RFX6: variants seen among roughly 807,000 people sequenced by gnomAD.
The protein encoded by RFX6 is DNA-binding protein RFX6.
RFX6 carries 50 observed loss-of-function variants against 110.8 expected under a neutral mutation model. The ratio of observed to expected loss-of-function variants is 0.45; its 90% confidence interval spans 0.36 to 0.57. The LOEUF (loss-of-function observed/expected upper bound fraction) is 0.57. Ranked by LOEUF, RFX6 falls within the 20% of genes least tolerant of loss-of-function variation. The probability of loss-of-function intolerance (pLI) is 0.00; values close to 1 mark genes in which losing one functional copy is unlikely to be tolerated. For missense variants in RFX6, 990 were observed against 1,127.0 expected, an observed-to-expected ratio of 0.88 and a Z score of 1.74; for synonymous variants, 383 against 411.2, an observed-to-expected ratio of 0.93 and a Z score of 0.83.
intron 2 of RFX6, 24 bp from the exon 3 acceptor site, chr6:116,880,520 C>A: frequency 6.2e-7 from 1 of 1,605,210 alleles, no homozygotes; most frequent in Non-Finnish European, 8.5e-7. Context: ...AATATTTGAC[C>A]TAATTTTTGT....
chr6:116,889,878 C>A (rs1046922133), intron 4 of RFX6, among the ~76,000 whole-genome samples: 1 of 151,982 alleles, frequency 6.6e-6, no homozygotes, highest in Non-Finnish European at 1.5e-5. Context: ...TCAAGTTATT[C>A]ATTCATTTAT....
At position 116,931,343 on chromosome 6, in the gene RFX6, A is replaced by C; in HGVS notation, c.2624A>C (p.Gln875Pro). Residue 875 changes from glutamine to proline, a missense_variant, in exon 19 of 19, where the codon CAA becomes CCA. Transcript: ENST00000332958. ...TTTTCCCTTACAGCTTCCAGTTTGC[A>C]AACCCCAATTCCTTCTTCCTCATCC... ...CRTPVLASSL[Q>P]TPIPSSSSQC... 6.2e-7 allele frequency: 1 copy of C among 1,612,722 alleles called. No individual in the cohort carries two copies. Among genetic ancestry groups the C allele is most frequent in the Non-Finnish European group, 8.5e-7 (1 of 1,178,746 alleles).
intron 4 of RFX6, among the ~76,000 whole-genome samples, chr6:116,883,886 A>G (rs985288030): frequency 1.3e-5 from 2 of 152,164 alleles, no homozygotes; most frequent in Non-Finnish European, 2.9e-5. Context: ...TTGAGATTCA[A>G]TCATATCTCT....
intron 5 of RFX6, 25 bp downstream of exon 5, chr6:116,894,089 A>G: frequency 1.6e-6 from 2 of 1,227,280 alleles, no homozygotes; most frequent in South Asian, 1.2e-5. Flanking sequence ...TCTTCAAGAC[A>G]AATTCTCTGT....
intron 2 of RFX6, 32 bp from the exon 3 acceptor site, chr6:116,880,512 T>G: frequency 6.3e-7 from 1 of 1,598,762 alleles, no homozygotes; most frequent in Non-Finnish European, 8.6e-7. Flanking sequence ...GGAAATAAAA[T>G]ATTTGACCTA....
chr6:116,918,264 TG>T (rs1287758874), intron 10 of RFX6, among the ~76,000 whole-genome samples, 178 bp downstream of exon 10: 3 of 152,048 alleles, frequency 2.0e-5, no homozygotes, highest in Non-Finnish European at 4.4e-5. Context: ...ATAAACAAAA[TG>T]GGTGAAACAA....
intron 6 of RFX6, among the ~76,000 whole-genome samples, chr6:116,903,914 T>C (rs532493720): frequency 1.3e-5 from 2 of 152,146 alleles, no homozygotes; most frequent in African/African-American, 4.8e-5. Context: ...GGTAGACATC[T>C]ATAGGAGTTG....
At position 116,931,623 on chromosome 6, in the gene RFX6, T is replaced by A; in HGVS notation, c.*117T>A. 1 of 766,778 alleles carries A rather than the reference T, an allele frequency of 1.3e-6. No homozygotes were observed. Among genetic ancestry groups the A allele is most frequent in the Non-Finnish European group, 2.1e-6 (1 of 467,128 alleles). The allele number at this position is 766,778 out of a possible 1,614,324, so 47.5% of individuals were successfully genotyped here. Reference sequence around the variant, plus strand: ...AAAATGAATATGCAGTGGCTGACATTGTTTTAAAGTCACTGGTACTATGGA... The same window carrying A: ...AAAATGAATATGCAGTGGCTGACATAGTTTTAAAGTCACTGGTACTATGGA... On this transcript the variant is annotated 3_prime_UTR_variant, in exon 19 of 19. Coordinates refer to ENST00000332958, the MANE Select transcript of RFX6 (RefSeq NM_173560.4).
At chr6:116,925,426 A>T in intron 15 of RFX6, 27 bp from the exon 16 acceptor site, 1 of 1,589,980 alleles carries the variant, frequency 6.3e-7, no homozygotes. Context: ...AAAATCTCAA[A>T]TTTCCCATTT....
intron 6 of RFX6, among the ~76,000 whole-genome samples, chr6:116,899,283 A>G (rs1350218397): frequency 1.3e-5 from 2 of 152,220 alleles, no homozygotes; most frequent in Admixed American, 6.6e-5. Flanking sequence ...ATTAATTCAG[A>G]CATTTTATAT....
chr6:116,910,996 C>T lies in RFX6; in HGVS notation c.734C>T (p.Pro245Leu), dbSNP rs1181140499. Residue 245 changes from proline to leucine, a missense_variant, in exon 7 of 19, where the codon CCC becomes CTC. Coordinates refer to ENST00000332958, the MANE Select transcript of RFX6 (RefSeq NM_173560.4). ...ACTGGAACACTTCTTCCAGAATTCCCCAGCGCTCAACACCTTGTATACCAA... is the reference window on the plus strand; with the variant it reads ...ACTGGAACACTTCTTCCAGAATTCCTCAGCGCTCAACACCTTGTATACCAA... ...SKTGTLLPEF[P>L]SAQHLVYQGC... is the part of the protein sequence containing the mutation. The T allele has an allele frequency of 6.2e-7, 1 of 1,613,540 alleles. No individual in the cohort carries two copies. Among genetic ancestry groups the T allele is most frequent in the East Asian group, 2.2e-5 (1 of 44,830 alleles).
chr6:116,889,154 T>C (rs1582512835), intron 4 of RFX6, among the ~76,000 whole-genome samples: 2 of 152,274 alleles, frequency 1.3e-5, no homozygotes, highest in East Asian at 1.9e-4. Flanking sequence ...TCATGCCCTT[T>C]ATATATATTG....
At chr6:116,924,815 T>G in intron 15 of RFX6, 24 bp downstream of exon 15, 2 of 1,509,698 alleles carry the variant, frequency 1.3e-6, no homozygotes, top group Non-Finnish European at 1.8e-6. Flanking sequence ...ACTGTTTTGT[T>G]TTGCATATTT....
rs1344237059 is a variant in RFX6, at chr6:116,931,328, C to T, written c.2612-3C>T. On this transcript the variant is annotated splice_polypyrimidine_tract_variant and splice_region_variant and intron_variant, in intron 18 of 18. Transcript: ENST00000332958. ...CAATTGCTGATTATATTTTCCCTTACAGCTTCCAGTTTGCAAACCCCAATT... is the reference window on the plus strand; with the variant it reads ...CAATTGCTGATTATATTTTCCCTTATAGCTTCCAGTTTGCAAACCCCAATT... The T allele has an allele frequency of 1.9e-6, 3 of 1,606,186 alleles. No homozygotes were observed. The highest frequency in any genetic ancestry group is 2.6e-6 in the Non-Finnish European group (3 of 1,172,874).
At chr6:116,894,405 CT>C (rs1347840193) in intron 5 of RFX6, among the ~76,000 whole-genome samples, 1 of 152,064 alleles carries the variant, frequency 6.6e-6, no homozygotes. Context: ...GTAAATGTAA[CT>C]TTTTTCTGAG....
chr6:116,897,515 T>A (rs1262351969), intron 6 of RFX6, among the ~76,000 whole-genome samples: 1 of 149,082 alleles, frequency 6.7e-6, no homozygotes, highest in Non-Finnish European at 1.5e-5. Flanking sequence ...ATATAATAGG[T>A]AGAGGCTGGA....
intron 6 of RFX6, among the ~76,000 whole-genome samples, chr6:116,907,156 A>T (rs1260641190): frequency 2.0e-5 from 3 of 152,034 alleles, no homozygotes; most frequent in Non-Finnish European, 2.9e-5. Context: ...GTGATGTAAC[A>T]CATTTATTGA....
Position 116,920,260 on chromosome 6 carries a change from A to T in RFX6, c.1183-50A>T. ...TCTGATAGCTAAAAATTTCTTCTAG[A>T]TACATTAGAAATGATATAGTGTAGT... On this transcript the variant is annotated intron_variant, in intron 11 of 18. Coordinates refer to ENST00000332958, the MANE Select transcript of RFX6 (RefSeq NM_173560.4). 3 of 1,464,008 alleles carry T rather than the reference A, an allele frequency of 2.0e-6. No individual in the cohort carries two copies. The South Asian group carries it at 3.4e-5, about 17-fold the overall frequency. 90.7% of individuals were successfully genotyped at this position (1,464,008 alleles called of 1,614,324 possible).
intron 18 of RFX6, among the ~76,000 whole-genome samples, 177 bp downstream of exon 18, chr6:116,929,148 T>C (rs1191255748): frequency 6.6e-6 from 1 of 152,200 alleles, no homozygotes; most frequent in Admixed American, 6.5e-5. Context: ...AGTAACAGTT[T>C]TTCATTTCTT....
Sources: gnomAD v4.1 joint callset for allele counts (sites outside exome capture counted in the v4.1 genomes callset) on GRCh38, gnomAD v4.1.1 for gene constraint, MANE v1.5 for transcripts, NCBI Gene and HGNC (gene_info 2026-07-23, HGNC 2026-07-21) for gene names.